The following NHEJ1 variants were observed in gnomAD, a reference collection of about 807,000 sequenced individuals.
The protein encoded by NHEJ1 is non-homologous end-joining factor 1.
A neutral mutation model predicts 39.4 loss-of-function variants in NHEJ1; 22 were observed. The ratio of observed to expected loss-of-function variants is 0.56; its 90% CI spans 0.40 to 0.80. NHEJ1 has a LOEUF of 0.80. Among genes scored for constraint, NHEJ1 ranks in the 30% least tolerant of loss-of-function variants. NHEJ1 has a pLI of 0.00. For missense variants in NHEJ1, 329 were observed against 357.1 expected (o/e 0.92, Z 0.63); for synonymous variants, 154 against 135.6 (o/e 1.14, Z -0.94).
chr2:219,134,993 T>C (rs1949611943), intron 5 of NHEJ1, among the ~76,000 whole-genome samples: 1 of 141,568 alleles, frequency 7.1e-6, no homozygotes, highest in Non-Finnish European at 1.5e-5. Context: ...TGAGCCGAGA[T>C]CGTGCCATTG....
At chr2:219,133,924 G>A (rs976193636) in intron 5 of NHEJ1, among the ~76,000 whole-genome samples, 7 of 152,028 alleles carry the variant, frequency 4.6e-5, no homozygotes, top group South Asian at 2.1e-4. Context: ...TCCCTTCATC[G>A]GCATAAGTTT....
In NHEJ1 at chr2:219,111,163, C is replaced by T. The variant is rs1949362063; in HGVS notation, c.589-32957G>A. ...AATCATTTTAAAGATGATTTTAGAA[C>T]TGGAATAGAATTTACTCGTGATACC... On this transcript the variant is annotated intron_variant, in intron 5 of 7. Coordinates refer to ENST00000356853, the MANE Select transcript of NHEJ1 (RefSeq NM_024782.3). This position sits in a 1 kb window ranked among gnomAD's most constrained non-coding sequence, Gnocchi z 4.1. Among the ~76,000 whole-genome samples the T allele has an allele frequency of 6.6e-6, 1 of 152,030 alleles. No homozygotes were observed. Among genetic ancestry groups the T allele is most frequent in the African/African-American group, 2.4e-5 (1 of 41,372 alleles).
chr2:219,114,530 A>G (rs950972569), intron 5 of NHEJ1, among the ~76,000 whole-genome samples: 2 of 152,222 alleles, frequency 1.3e-5, no homozygotes, highest in Non-Finnish European at 2.9e-5. Flanking sequence ...CCATAGGCCT[A>G]CAAGAGGTAA....
At chr2:219,082,351 C>T (rs1484178678) in intron 5 of NHEJ1, among the ~76,000 whole-genome samples, 1 of 152,212 alleles carries the variant, frequency 6.6e-6, no homozygotes, top group Non-Finnish European at 1.5e-5. Flanking sequence ...TCTGAGGGTC[C>T]AACCTCCCCT....
intron 4 of NHEJ1, 123 bp from the exon 5 acceptor site, chr2:219,146,861 C>T (rs1006956098): frequency 2.9e-5 from 22 of 761,074 alleles, no homozygotes; most frequent in Non-Finnish European, 4.6e-5. Context: ...TGCAGAGACA[C>T]CTAGTTCAGT....
chr2:219,083,771 C>T (rs1949087557), intron 5 of NHEJ1, among the ~76,000 whole-genome samples: 1 of 152,186 alleles, frequency 6.6e-6, no homozygotes, highest in South Asian at 2.1e-4. Context: ...ACTTCTCTTG[C>T]CTGGCCCTAC....
intron 5 of NHEJ1, among the ~76,000 whole-genome samples, chr2:219,130,729 G>A (rs1361953830): frequency 3.3e-5 from 5 of 152,082 alleles, no homozygotes; most frequent in Non-Finnish European, 5.9e-5. Flanking sequence ...GTCCACTTAC[G>A]GTACTGAACA....
intron 5 of NHEJ1, among the ~76,000 whole-genome samples, chr2:219,078,722 G>GC (rs1027765426): frequency 1.7e-4 from 26 of 152,148 alleles, no homozygotes; most frequent in African/African-American, 5.8e-4. Context: ...AGCTTTTGAG[G>GC]CCCCCGGCCA....
rs1949005050 is a variant in NHEJ1 at position 219,075,539 on chromosome 2, G to A, written c.*842C>T. The A allele has an allele frequency of 6.6e-6, 1 of 152,110 alleles. No individual in the cohort carries two copies. Among genetic ancestry groups the A allele is most frequent in the Non-Finnish European group, 1.5e-5 (1 of 68,046 alleles). The allele number at this position is 152,110 out of a possible 1,614,324, so 9.4% of individuals were successfully genotyped here. On this transcript the variant is annotated 3_prime_UTR_variant, in exon 8 of 8. Coordinates refer to ENST00000356853, the MANE Select transcript of NHEJ1 (RefSeq NM_024782.3). ...AGGTGGGCAGATCACTAGAGTCCAG[G>A]AGTTCAAGACCAGCCTGGGCAACAT... is the stretch of plus-strand genomic sequence containing the variant.
chr2:219,125,622 G>A (rs1056429977), intron 5 of NHEJ1: 1 of 152,304 alleles, frequency 6.6e-6, no homozygotes, highest in African/African-American at 2.4e-5. Flanking sequence ...AACAGAGCTG[G>A]ACAAAGAGTG....
chr2:219,131,082 ACT>A (rs1480789505), intron 5 of NHEJ1, among the ~76,000 whole-genome samples: 1 of 152,072 alleles, frequency 6.6e-6, no homozygotes, highest in Non-Finnish European at 1.5e-5. Context: ...ACAGAGCGAG[ACT>A]CTGTCTCAAA....
chr2:219,159,573 ATG>A lies in NHEJ1; in HGVS notation c.-1+1145_-1+1146del, dbSNP rs1559206336. 3.4e-3 allele frequency among the ~76,000 whole-genome samples: 48 copies of A among 14,042 alleles called. 2 individuals carry two copies. The highest frequency in any genetic ancestry group is 5.0e-3 in the Non-Finnish European group (8 of 1,598). The allele number at this position is 14,042 out of a possible 152,430, so 9.2% of individuals were successfully genotyped here. ...TATGCATATATATATGCATATATAT[ATG>A]CATATATATATGCATATATATATAT... On this transcript the variant is annotated intron_variant, in intron 1 of 7. Coordinates refer to ENST00000356853, the MANE Select transcript of NHEJ1 (RefSeq NM_024782.3).
intron 3 of NHEJ1, 110 bp from the exon 4 acceptor site, chr2:219,147,905 A>C: frequency 9.4e-7 from 1 of 1,062,462 alleles, no homozygotes; most frequent in East Asian, 2.6e-5. Context: ...ACAGAAACTT[A>C]TAGTTTCATA....
Position 219,111,628 on chromosome 2 carries a change from G to GACACACACACACACACACACAC in NHEJ1, c.589-33444_589-33423dup, listed in dbSNP as rs368706049. ...GAATTAAGTCTACAGTGTGAATACA[G>GACACACACACACACACACACAC]ACACACACACACACACACACACACA... On this transcript the variant is annotated intron_variant, in intron 5 of 7. Transcript: ENST00000356853. This position sits in a 1 kb window ranked among gnomAD's most constrained non-coding sequence, Gnocchi z 4.1. Among the ~76,000 whole-genome samples, 15 of 138,446 alleles carry GACACACACACACACACACACAC rather than the reference G, an allele frequency of 1.1e-4. No individual in the cohort carries two copies. Among genetic ancestry groups the GACACACACACACACACACACAC allele is most frequent in the South Asian group, 2.4e-4 (1 of 4,134 alleles). The allele number at this position is 138,446 out of a possible 152,430, so 90.8% of individuals were successfully genotyped here. A position where few individuals can be genotyped will look rare whatever the true frequency, so the allele number is the denominator to read the frequency against.
At chr2:219,154,863 TTA>T (rs1390466326) in intron 3 of NHEJ1, among the ~76,000 whole-genome samples, 2 of 147,408 alleles carry the variant, frequency 1.4e-5, no homozygotes, top group East Asian at 1.9e-4. Flanking sequence ...TTATATTGTA[TTA>T]TATATATTAT....
rs2030452 is a variant in NHEJ1, at chr2:219,157,713, G to T, written c.178-29C>A. The T allele has an allele frequency of 1.1e-5, 17 of 1,589,382 alleles. No individual in the cohort carries two copies. In the East Asian group the frequency reaches 2.9e-4, roughly 27 times the overall value. On this transcript the variant is annotated intron_variant, in intron 2 of 7. Coordinates refer to ENST00000356853, the MANE Select transcript of NHEJ1 (RefSeq NM_024782.3). ...AAGAGAGAGCAGTGGTACAGAGTAA[G>T]GGTGCTAAAAGGAAACTAATTCCCT... is the stretch of plus-strand genomic sequence containing the variant.
chr2:219,143,003 G>A (rs1410108365), intron 5 of NHEJ1, among the ~76,000 whole-genome samples: 2 of 152,174 alleles, frequency 1.3e-5, no homozygotes, highest in African/African-American at 4.8e-5. Context: ...CCGAGCCTTA[G>A]TATCCTAGCC....
intron 5 of NHEJ1, among the ~76,000 whole-genome samples, chr2:219,134,106 G>A (rs1045726885): frequency 1.3e-5 from 2 of 152,090 alleles, no homozygotes; most frequent in South Asian, 4.1e-4. Flanking sequence ...TCCATTGATC[G>A]TTCTTTAACA....
At chr2:219,138,098 G>A (rs1949653623) in intron 5 of NHEJ1, among the ~76,000 whole-genome samples, 1 of 152,094 alleles carries the variant, frequency 6.6e-6, no homozygotes, top group South Asian at 2.1e-4. Context: ...AAACCACCCT[G>A]AATCCTATGG....
Sources: allele counts gnomAD v4.1 joint callset (sites outside exome capture counted in the v4.1 genomes callset), GRCh38; gene constraint gnomAD v4.1.1; non-coding constraint Gnocchi (gnomAD v3.1); transcripts MANE v1.5; gene names NCBI Gene and HGNC (gene_info 2026-07-23, HGNC 2026-07-21).